The following MYO10 variants were observed in gnomAD, a reference collection of about 807,000 sequenced individuals.
MYO10 encodes the protein myosin X.
MYO10 carries 133 observed loss-of-function variants against 257.3 expected under a neutral mutation model. That is an observed-to-expected ratio of 0.52 (90% CI 0.45 to 0.60). The LOEUF (loss-of-function observed/expected upper bound fraction) is 0.60. Among genes scored for constraint, MYO10 ranks in the 20% least tolerant of loss-of-function variants. MYO10 has a pLI of 0.00. For missense variants in MYO10, 2,399 were observed against 2,635.7 expected (o/e 0.91, Z 1.97); for synonymous variants, 1,104 against 1,028.6 (o/e 1.07, Z -1.40).
intron 19 of MYO10, among the ~76,000 whole-genome samples, chr5:16,716,370 T>G (rs1260536753): frequency 6.6e-6 from 1 of 151,876 alleles, no homozygotes; most frequent in African/African-American, 2.4e-5. Context: ...ACAGAGGTGC[T>G]GACAAACAGG....
At chr5:16,791,748 T>G (rs250353) in intron 4 of MYO10, among the ~76,000 whole-genome samples, 1 of 152,006 alleles carries the variant, frequency 6.6e-6, no homozygotes, top group African/African-American at 2.4e-5. Context: ...ATAGATTGTT[T>G]TCTTCCCTTC....
chr5:16,768,607 T>C (rs1740948437), intron 10 of MYO10, among the ~76,000 whole-genome samples: 1 of 150,958 alleles, frequency 6.6e-6, no homozygotes, highest in Admixed American at 6.6e-5. Flanking sequence ...GCTTCATATC[T>C]GACACAACTA....
intron 9 of MYO10, among the ~76,000 whole-genome samples, chr5:16,774,689 G>A (rs1459197331): frequency 6.6e-6 from 1 of 152,016 alleles, no homozygotes; most frequent in Non-Finnish European, 1.5e-5. Context: ...CCAAAGTGCT[G>A]GGATTACAGG....
chr5:16,775,499 GC>G (rs1331711968), intron 9 of MYO10, among the ~76,000 whole-genome samples: 10 of 152,252 alleles, frequency 6.6e-5, no homozygotes, highest in African/African-American at 2.4e-4. Context: ...CATGATCATG[GC>G]TCACTACAGC....
Position 16,701,654 on chromosome 5 carries a change from G to C in MYO10, c.2741C>G (p.Ala914Gly). 6.2e-7 allele frequency: 1 copy of C among 1,613,830 alleles called. No individual in the cohort carries two copies. The highest frequency in any genetic ancestry group is 8.5e-7 in the Non-Finnish European group (1 of 1,179,822). Residue 914 changes from alanine (A) to glycine (G), a missense_variant, in exon 25 of 41, where the codon GCT (alanine) becomes GGT (glycine). By Grantham distance (60) the Ala-to-Gly change is moderately conservative (BLOSUM62 0). Coordinates refer to ENST00000513610, the MANE Select transcript of MYO10 (RefSeq NM_012334.3). This position sits in a 1 kb window ranked among gnomAD's most constrained non-coding sequence, Gnocchi z 8.1. ...CCGCTCCTGCAGCTTCTGCAGGGAA[G>C]CCTCGGTCAGCGACAGCTCCTGCTG... ...KEQQELSLTE[A>G]SLQKLQERRD...
At chr5:16,895,035 CCCG>C (rs774313332) in intron 1 of MYO10, among the ~76,000 whole-genome samples, 31 of 152,228 alleles carry the variant, frequency 2.0e-4, no homozygotes, top group Non-Finnish European at 2.9e-4. Flanking sequence ...CTCAGACTAA[CCCG>C]CCAAGCTCTA....
At chr5:16,823,929 A>T (rs1742919073) in intron 2 of MYO10, among the ~76,000 whole-genome samples, 1 of 152,178 alleles carries the variant, frequency 6.6e-6, no homozygotes, top group Non-Finnish European at 1.5e-5. Context: ...GGAAGGAATG[A>T]GCAAAACATG....
chr5:16,907,634 A>G (rs1347794739), intron 1 of MYO10, among the ~76,000 whole-genome samples: 2 of 152,232 alleles, frequency 1.3e-5, no homozygotes, highest in Admixed American at 6.5e-5. Context: ...CAGGATTTAC[A>G]TAAGGAGACA....
At chr5:16,813,763 C>T (rs964827243) in intron 3 of MYO10, among the ~76,000 whole-genome samples, 1 of 151,982 alleles carries the variant, frequency 6.6e-6, no homozygotes, top group African/African-American at 2.4e-5. Flanking sequence ...TCATGTGAGG[C>T]CTTAAAAGCA....
At chr5:16,816,011 G>A (rs1421363117) in intron 3 of MYO10, among the ~76,000 whole-genome samples, 3 of 146,644 alleles carry the variant, frequency 2.0e-5, no homozygotes, top group Admixed American at 6.9e-5. Flanking sequence ...ACATTAGGTC[G>A]ATTTGACAAA....
intron 1 of MYO10, among the ~76,000 whole-genome samples, chr5:16,884,155 C>G (rs1333599660): frequency 6.6e-6 from 1 of 152,210 alleles, no homozygotes; most frequent in Non-Finnish European, 1.5e-5. Flanking sequence ...CTCTGGGAGA[C>G]CGAGGCAGGC....
In MYO10 at chr5:16,758,197, T is replaced by C. The variant is rs1038909644; in HGVS notation, c.1769A>G (p.His590Arg). 2.2e-5 allele frequency: 36 copies of C among 1,613,286 alleles called. No homozygotes were observed. Among genetic ancestry groups the C allele is most frequent in the Non-Finnish European group, 2.8e-5 (33 of 1,179,414 alleles). ...RFDFIYDLFE[H>R]VSSRNNQDTL... The stretch of plus-strand genomic sequence containing the variant: ...ATCCTGGTTGTTGCGGCTTGAAACA[T>C]GTTCAAAAAGATCGTAGATAAAGTC... The change falls in exon 18 of 41, where the codon CAT becomes CGT. Residue 590 changes from histidine (H) to arginine (R), a missense_variant. This residue lies in a region of MYO10 where 1,820 missense variants were observed against 1,939.4 expected (regional missense o/e 0.94). Coordinates refer to ENST00000513610, the MANE Select transcript of MYO10 (RefSeq NM_012334.3).
chr5:16,719,406 A>G (rs1237581934), intron 19 of MYO10, among the ~76,000 whole-genome samples: 2 of 152,242 alleles, frequency 1.3e-5, no homozygotes, highest in Non-Finnish European at 2.9e-5. Flanking sequence ...CAAGGGACAC[A>G]CTGGTAACAT....
Position 16,681,336 on chromosome 5 carries a change from G to C in MYO10, c.4357C>G (p.Pro1453Ala). The C allele has an allele frequency of 1.2e-6, 2 of 1,612,868 alleles. No individual in the cohort carries two copies. Among genetic ancestry groups the C allele is most frequent in the Non-Finnish European group, 1.7e-6 (2 of 1,179,606 alleles). ...VLNSLCSVVPPDEKIFKETGY... is the reference protein window; with the variant it reads ...VLNSLCSVVPADEKIFKETGY... Reference sequence around the variant, plus strand: ...GTCTCTTTGAATATCTTCTCATCTGGGGGGACGACAGAGCAGAGGCTGTTG... The same window carrying C: ...GTCTCTTTGAATATCTTCTCATCTGCGGGGACGACAGAGCAGAGGCTGTTG... Residue 1453 changes from proline to alanine, a missense_variant, in exon 32 of 41, where the codon CCA becomes GCA. Transcript: ENST00000513610.
At chr5:16,718,079 G>A (rs1442187069) in intron 19 of MYO10, among the ~76,000 whole-genome samples, 1 of 152,228 alleles carries the variant, frequency 6.6e-6, no homozygotes, top group Non-Finnish European at 1.5e-5. Flanking sequence ...CCGGGCAATG[G>A]GGGACTTAGC....
chr5:16,881,219 T>C (rs1744747231), intron 1 of MYO10, among the ~76,000 whole-genome samples: 1 of 152,192 alleles, frequency 6.6e-6, no homozygotes, highest in Non-Finnish European at 1.5e-5. Flanking sequence ...AAGAATGAAA[T>C]TGAGATTATG....
At chr5:16,715,377 T>A (rs1738811762) in intron 19 of MYO10, among the ~76,000 whole-genome samples, 1 of 145,952 alleles carries the variant, frequency 6.9e-6, no homozygotes, top group Non-Finnish European at 1.5e-5. Context: ...ATGGCGATGG[T>A]GCCGTAAGAT....
At chr5:16,902,675 A>AT (rs766633157) in intron 1 of MYO10, 122 of 1,051,704 alleles carry the variant, frequency 1.2e-4, no homozygotes, top group Admixed American at 3.1e-4. Flanking sequence ...GGCCCGGCTA[A>AT]TTTTTTGTAT....
chr5:16,884,281 G>T (rs1744836071), intron 1 of MYO10, among the ~76,000 whole-genome samples: 1 of 152,120 alleles, frequency 6.6e-6, no homozygotes, highest in Non-Finnish European at 1.5e-5. Context: ...TGTGGTCTCA[G>T]CTACTTGGGA....
Sources: gnomAD v4.1 joint callset for allele counts (sites outside exome capture counted in the v4.1 genomes callset) on GRCh38, gnomAD v4.1.1 for gene constraint, gnomAD v4.1.1 regional missense constraint, Gnocchi (gnomAD v3.1) non-coding constraint, MANE v1.5 for transcripts, NCBI Gene and HGNC (gene_info 2026-07-23, HGNC 2026-07-21) for gene names.